Variants in ANO3 observed in about 807,000 individuals in gnomAD.
ANO3 encodes the protein anoctamin 3.
A neutral mutation model predicts 144.8 loss-of-function variants in ANO3; 99 were observed. That is an observed-to-expected ratio of 0.68 (90% CI 0.58 to 0.81). The LOEUF (loss-of-function observed/expected upper bound fraction) is 0.81, where lower values mean the gene tolerates loss of function less well. Among genes scored for constraint, ANO3 ranks in the 30% least tolerant of loss-of-function variants. The pLI is 0.00. For missense variants in ANO3, 905 were observed against 1,202.2 expected (o/e 0.75, Z 3.66); for synonymous variants, 414 against 392.6 (o/e 1.05, Z -0.64).
chr11:26,314,544 C>T (rs1234507382), intron 1 of ANO3, among the ~76,000 whole-genome samples: 1 of 151,984 alleles, frequency 6.6e-6, no homozygotes, highest in Non-Finnish European at 1.5e-5. Flanking sequence ...TGAGGCAGTG[C>T]CCTATGATTA....
chr11:26,438,592 C>CAA (rs1227963923), intron 1 of ANO3, among the ~76,000 whole-genome samples: 5,095 of 70,194 alleles, frequency 0.073, 342 homozygotes, highest in South Asian at 0.17. Flanking sequence ...ACTAAAAATA[C>CAA]AAAAAAAAAA....
rs561124294 is a variant in ANO3 at position 26,464,511 on chromosome 11, C to A, written c.432+1363C>A. 2.9e-3 allele frequency among the ~76,000 whole-genome samples: 445 copies of A among 151,952 alleles called. 1 individual carries two copies. Among genetic ancestry groups the A allele is most frequent in the African/African-American group, 0.01 (429 of 41,534 alleles). ...ACTACGATTAAATAGTTTGTATTAT[C>A]TGCTTTTCTAGAATTACCACATGCC... On this transcript the variant is annotated intron_variant, in intron 4 of 26. Coordinates refer to ENST00000256737, the MANE Select transcript of ANO3 (RefSeq NM_031418.4).
intron 1 of ANO3, among the ~76,000 whole-genome samples, chr11:26,233,422 C>T (rs917165740): frequency 6.6e-6 from 1 of 152,070 alleles, no homozygotes; most frequent in East Asian, 1.9e-4. Flanking sequence ...GGATGGCTAT[C>T]TTTAAAAAGT....
chr11:26,640,048 G>C (rs1853097180), intron 21 of ANO3, among the ~76,000 whole-genome samples: 1 of 151,834 alleles, frequency 6.6e-6, no homozygotes, highest in African/African-American at 2.4e-5. Flanking sequence ...TATTTTATCA[G>C]AACATTCTTG....
At chr11:26,297,685 A>G (rs1470504516) in intron 1 of ANO3, among the ~76,000 whole-genome samples, 1 of 152,188 alleles carries the variant, frequency 6.6e-6, no homozygotes, top group African/African-American at 2.4e-5. Flanking sequence ...TCAATCATTC[A>G]TTCAGAGGGT....
At chr11:26,393,102 A>C (rs1287296473) in intron 1 of ANO3, among the ~76,000 whole-genome samples, 3 of 152,146 alleles carry the variant, frequency 2.0e-5, no homozygotes, top group Non-Finnish European at 4.4e-5. Flanking sequence ...TAATTCTAAA[A>C]AGCCATGGCT....
chr11:26,615,412 ATATTT>A (rs1852226283), intron 17 of ANO3, among the ~76,000 whole-genome samples: 1 of 105,046 alleles, frequency 9.5e-6, no homozygotes, highest in African/African-American at 4.3e-5. Flanking sequence ...ATATATATAT[ATATTT>A]TTTTTTTTTC....
intron 1 of ANO3, among the ~76,000 whole-genome samples, chr11:26,220,536 A>G (rs1008183529): frequency 6.6e-6 from 1 of 152,234 alleles, no homozygotes. Context: ...TTAGGCTAAA[A>G]GAAAGTTTAG....
Position 26,541,964 on chromosome 11 carries a change from C to G in ANO3, c.1050C>G (p.Ser350Arg), listed in dbSNP as rs199547127. Reference protein sequence around the residue: ...FPPHEGAYKSSQPIKTHGPQN... With the variant: ...FPPHEGAYKSRQPIKTHGPQN... ...TGTTGCAGGGAGCCTACAAAAGTAGCCAGCCCATTAAAACCCATGGACCTC... is the reference window on the plus strand; with the variant it reads ...TGTTGCAGGGAGCCTACAAAAGTAGGCAGCCCATTAAAACCCATGGACCTC... The change falls in exon 11 of 27, where the codon AGC becomes AGG. Residue 350 changes from serine (S) to arginine (R), a missense_variant. Around this residue, in one of 4 missense-constraint regions of ANO3, gnomAD observed 597 missense variants for 865.1 expected, o/e 0.69. Transcript: ENST00000256737. 8.9e-5 allele frequency: 143 copies of G among 1,610,934 alleles called. No homozygotes were observed. The highest frequency in any genetic ancestry group is 1.2e-4 in the Non-Finnish European group (136 of 1,178,386).
intron 1 of ANO3, among the ~76,000 whole-genome samples, chr11:26,229,100 A>T (rs895802127): frequency 6.6e-6 from 1 of 151,434 alleles, no homozygotes; most frequent in South Asian, 2.1e-4. Flanking sequence ...TAAAGAGGAC[A>T]TTTTTTTTTC....
At chr11:26,192,022 A>G (rs1200179938) in intron 1 of ANO3, among the ~76,000 whole-genome samples, 2 of 152,212 alleles carry the variant, frequency 1.3e-5, no homozygotes, top group East Asian at 3.9e-4. Flanking sequence ...CAAATAACAC[A>G]TCATAGTATA....
intron 11 of ANO3, among the ~76,000 whole-genome samples, chr11:26,545,453 T>A (rs1000974316): frequency 6.6e-6 from 1 of 152,068 alleles, no homozygotes; most frequent in Admixed American, 6.6e-5. Flanking sequence ...AGTTGCAATC[T>A]GTTTTTCCAT....
At chr11:26,460,516 T>G (rs1859355488) in intron 3 of ANO3, among the ~76,000 whole-genome samples, 1 of 151,200 alleles carries the variant, frequency 6.6e-6, no homozygotes, top group African/African-American at 2.4e-5. Flanking sequence ...AAAACAAATG[T>G]GAAGGAATTT....
chr11:26,330,263 G>A (rs1855002847), upstream of ANO3, among the ~76,000 whole-genome samples: 1 of 151,824 alleles, frequency 6.6e-6, no homozygotes, highest in African/African-American at 2.4e-5. Context: ...TTTTAACTCT[G>A]GATGAACAAA....
chr11:26,422,667 T>C (rs1003413071), intron 1 of ANO3, among the ~76,000 whole-genome samples: 8 of 152,010 alleles, frequency 5.3e-5, no homozygotes, highest in Non-Finnish European at 1.5e-5. Flanking sequence ...TAGCTTTAGA[T>C]GGGTTGTAAT....
chr11:26,279,460 T>C (rs1157431202), intron 1 of ANO3, among the ~76,000 whole-genome samples: 1 of 152,154 alleles, frequency 6.6e-6, no homozygotes, highest in Non-Finnish European at 1.5e-5. Context: ...AGATTTCATA[T>C]GCAGAATAAA....
intron 1 of ANO3, among the ~76,000 whole-genome samples, chr11:26,264,022 T>C (rs1291803631): frequency 1.3e-5 from 2 of 152,224 alleles, no homozygotes; most frequent in Non-Finnish European, 2.9e-5. Flanking sequence ...CATCATCATT[T>C]AAATGACTAA....
At chr11:26,560,511 G>A (rs1453059594) in intron 14 of ANO3, 1 of 152,278 alleles carries the variant, frequency 6.6e-6, no homozygotes, top group East Asian at 1.9e-4. Context: ...TGCTGATCTA[G>A]AAAATTATAA....
chr11:26,641,808 G>A, intron 21 of ANO3, 88 bp from the exon 22 acceptor site: 1 of 1,304,212 alleles, frequency 7.7e-7, no homozygotes, highest in Non-Finnish European at 1.0e-6. Flanking sequence ...AGCTGGAATT[G>A]GTTTTACTCA....
Sources: gnomAD v4.1 joint callset for allele counts (sites outside exome capture counted in the v4.1 genomes callset) on GRCh38, gnomAD v4.1.1 for gene constraint, gnomAD v4.1.1 regional missense constraint, MANE v1.5 for transcripts, NCBI Gene and HGNC (gene_info 2026-07-23, HGNC 2026-07-21) for gene names.